The following MPO variants were observed in gnomAD, a reference collection of about 807,000 sequenced individuals.
MPO encodes myeloperoxidase.
In MPO, 57 loss-of-function variants were observed where a neutral mutation model predicts 69.4. The observed-to-expected ratio is 0.82, with a 90% CI of 0.66 to 1.02. The LOEUF (loss-of-function observed/expected upper bound fraction) is 1.02. MPO is among the 50% of genes least tolerant of loss of function. MPO has a pLI of 0.00. For missense variants in MPO, 971 were observed against 1,014.1 expected (o/e 0.96, Z 0.58); for synonymous variants, 426 against 417.1 (o/e 1.02, Z -0.26).
Position 58,271,712 on chromosome 17 carries a change from C to T in MPO, c.1973G>A (p.Gly658Asp), listed in dbSNP as rs766368829. The T allele has an allele frequency of 2.0e-5, 33 of 1,613,820 alleles. No homozygotes were observed. Among genetic ancestry groups the T allele is most frequent in the Non-Finnish European group, 2.7e-5 (32 of 1,180,046 alleles). The change falls in exon 11 of 12, where the codon GGC becomes GAC. Residue 658 changes from glycine to aspartate, a missense_variant. Gly to Asp is a moderately conservative substitution (Grantham distance 94, BLOSUM62 -1). Transcript: ENST00000225275. ...SEPLKRKGRV[G>D]PLLACIIGTQ... ...ACCGATGATGCAGGCGAGGAGTGGG[C>T]CCACGCGGCCTTTGCGCTTCAGAGG...
intron 7 of MPO, among the ~76,000 whole-genome samples, chr17:58,277,455 G>A (rs970173471): frequency 1.2e-4 from 19 of 152,192 alleles, no homozygotes; most frequent in African/African-American, 4.1e-4. Flanking sequence ...GGATAGTGTC[G>A]CTCTAGAGGG....
chr17:58,280,919 G>C lies in MPO; in HGVS notation c.-161C>G. On this transcript the variant is annotated 5_prime_UTR_variant, in exon 1 of 12. Coordinates refer to ENST00000225275, the MANE Select transcript of MPO (RefSeq NM_000250.2). ...AGCTTCCAAGGACCCCACCTCCACA[G>C]CTCACCTGATATTGTCAGCTCCTCT... 1.3e-6 allele frequency: 1 copy of C among 752,988 alleles called. No homozygotes were observed. The highest frequency in any genetic ancestry group is 1.8e-5 in the South Asian group (1 of 54,580). The allele number at this position is 752,988 out of a possible 1,614,324, so 46.6% of individuals were successfully genotyped here.
At chr17:58,278,378 C>T (rs982437620) in intron 6 of MPO, among the ~76,000 whole-genome samples, 5 of 152,296 alleles carry the variant, frequency 3.3e-5, no homozygotes, top group African/African-American at 9.6e-5. Flanking sequence ...CTGGGCACCG[C>T]CAGGCCTCGG....
chr17:58,279,072 G>C lies in MPO; in HGVS notation c.821C>G (p.Ser274Cys), dbSNP rs138500682. 1 of 1,613,216 alleles carries C rather than the reference G, an allele frequency of 6.2e-7. No individual in the cohort carries two copies. Among genetic ancestry groups the C allele is most frequent in the East Asian group, 2.2e-5 (1 of 44,868 alleles). ...DFTPEPAARA[S>C]FVTGVNCETS... is the part of the protein sequence containing the mutation. The stretch of plus-strand genomic sequence containing the variant: ...CTCGCAGTTGACGCCAGTGACGAAG[G>C]AGGCCCGGGCGGCCGGCTCAGGGGT... The change falls in exon 6 of 12, where the codon TCC (serine) becomes TGC (cysteine). Residue 274 changes from serine to cysteine, a missense_variant. Coordinates refer to ENST00000225275, the MANE Select transcript of MPO (RefSeq NM_000250.2).
chr17:58,270,365 C>T lies in MPO; in HGVS notation c.*291G>A, dbSNP rs572678084. The T allele has an allele frequency of 3.9e-5, 17 of 435,242 alleles. No individual in the cohort carries two copies. The highest frequency in any genetic ancestry group is 2.1e-4 in the South Asian group (10 of 48,492). 27.0% of individuals were successfully genotyped at this position (435,242 alleles called of 1,614,324 possible). ...TCCTGAGCTGTGCTCCTCACCAGTCCGCTCTGCTGCCTTCCACATACTCAG... is the reference window on the plus strand; with the variant it reads ...TCCTGAGCTGTGCTCCTCACCAGTCTGCTCTGCTGCCTTCCACATACTCAG... On this transcript the variant is annotated 3_prime_UTR_variant, in exon 12 of 12. Transcript: ENST00000225275. The surrounding 1 kb of genome is among the most constrained non-coding windows in gnomAD (Gnocchi z 4.1).
In MPO at chr17:58,277,898, G is replaced by A; in HGVS notation, c.1133C>T (p.Pro378Leu). The A allele has an allele frequency of 6.2e-7, 1 of 1,611,204 alleles. No individual in the cohort carries two copies. Among genetic ancestry groups the A allele is most frequent in the Non-Finnish European group, 8.5e-7 (1 of 1,180,030 alleles). Residue 378 changes from proline to leucine, a missense_variant, in exon 7 of 12, where the codon CCC becomes CTC. Physicochemically the swap from Pro to Leu is moderately conservative, Grantham distance 98. Coordinates refer to ENST00000225275, the MANE Select transcript of MPO (RefSeq NM_000250.2). Reference sequence around the variant, plus strand: ...GGGGTCATCGTGCAGGTTGTCAAAGGGCAGCAGGGCCCGGCCGTTGTCTTG... The same window carrying A: ...GGGGTCATCGTGCAGGTTGTCAAAGAGCAGCAGGGCCCGGCCGTTGTCTTG... The part of the protein sequence containing the change: ...RFQDNGRALL[P>L]FDNLHDDPCL...
chr17:58,273,778 C>A, intron 8 of MPO, 109 bp from the exon 9 acceptor site: 5 of 1,482,788 alleles, frequency 3.4e-6, no homozygotes, highest in Non-Finnish European at 4.7e-6. Context: ...TTCGGGGACC[C>A]CTTCCATCCC....
chr17:58,278,613 G>C (rs1326740782), intron 6 of MPO, among the ~76,000 whole-genome samples: 2 of 152,132 alleles, frequency 1.3e-5, no homozygotes. Context: ...TGTGTGATGG[G>C]GGTTGGGGCT....
rs1970429253 is a variant in MPO, at chr17:58,275,787, G to A, written c.1205-85C>T. ...CACTGAAACCCCCTCCCCAGCCAAG[G>A]CCTGAAATGCCTCCTACTCACCCCT... On this transcript the variant is annotated intron_variant, in intron 7 of 11. Coordinates refer to ENST00000225275, the MANE Select transcript of MPO (RefSeq NM_000250.2). This position sits in a 1 kb window ranked among gnomAD's most constrained non-coding sequence, Gnocchi z 4.1. The A allele has an allele frequency of 1.3e-6, 2 of 1,495,824 alleles. No individual in the cohort carries two copies. Among genetic ancestry groups the A allele is most frequent in the African/African-American group, 1.4e-5 (1 of 72,240 alleles). The allele number at this position is 1,495,824 out of a possible 1,614,324, so 92.7% of individuals were successfully genotyped here. A position where few individuals can be genotyped will look rare whatever the true frequency, so the allele number is the denominator to read the frequency against.
chr17:58,273,755 G>T, intron 8 of MPO, 86 bp from the exon 9 acceptor site: 1 of 1,599,202 alleles, frequency 6.3e-7, no homozygotes, highest in Non-Finnish European at 8.6e-7. Context: ...CAGAGTCTCT[G>T]CCTGCTCTTG....
In MPO at chr17:58,279,096, G is replaced by A. The variant is rs139940814; in HGVS notation, c.797C>T (p.Thr266Ile). The change falls in exon 6 of 12, where the codon ACC becomes ATC. Residue 266 changes from threonine (T) to isoleucine (I), a missense_variant. Thr to Ile is a moderately conservative substitution (Grantham distance 89, BLOSUM62 -1). Transcript: ENST00000225275. ...GGAGGCCCGGGCGGCCGGCTCAGGGGTGAAGTCGAGGTCGTGGTCCAACAG... is the reference window on the plus strand; with the variant it reads ...GGAGGCCCGGGCGGCCGGCTCAGGGATGAAGTCGAGGTCGTGGTCCAACAG... ...GQLLDHDLDF[T>I]PEPAARASFV... 11 of 1,613,060 alleles carry A rather than the reference G, an allele frequency of 6.8e-6. No homozygotes were observed. In the African/African-American group the frequency reaches 1.2e-4, roughly 18 times the overall value.
In MPO at chr17:58,278,141, G is replaced by A; in HGVS notation, c.890C>T (p.Pro297Leu). Residue 297 changes from proline to leucine, a missense_variant, in exon 7 of 12, where the codon CCG becomes CTG. Coordinates refer to ENST00000225275, the MANE Select transcript of MPO (RefSeq NM_000250.2). The stretch of plus-strand genomic sequence containing the variant: ...GTTCTTGATGCGGGGGTCATTGGGC[G>A]GGATCTGAGGCACAGAGAGAGGCTA... ...QQPPCFPLKIPPNDPRIKNQA... is the reference protein window; with the variant it reads ...QQPPCFPLKILPNDPRIKNQA... 4 of 1,600,834 alleles carry A rather than the reference G, an allele frequency of 2.5e-6. No individual in the cohort carries two copies. The highest frequency in any genetic ancestry group is 3.4e-6 in the Non-Finnish European group (4 of 1,179,908).
chr17:58,272,363 T>C (rs1598039420), intron 10 of MPO, among the ~76,000 whole-genome samples: 1 of 152,182 alleles, frequency 6.6e-6, no homozygotes, highest in South Asian at 2.1e-4. Flanking sequence ...CTAGAGAACC[T>C]GGCCAGGTTC....
rs753496983 is a variant in MPO at position 58,275,633 on chromosome 17, C to T, written c.1274G>A (p.Arg425Gln). The change falls in exon 8 of 12, where the codon CGG becomes CAG. Residue 425 changes from arginine to glutamine, a missense_variant. Physicochemically the swap from Arg to Gln is conservative, Grantham distance 43. Transcript: ENST00000225275. The surrounding 1 kb of genome is among the most constrained non-coding windows in gnomAD (Gnocchi z 4.1). ...MHTLLLREHN[R>Q]LATELKSLNP... Reference sequence around the variant, plus strand: ...CAGGCTCTTGAGCTCTGTGGCCAGCCGGTTGTGCTCCCGAAGTAAGAGGGT... The same window carrying T: ...CAGGCTCTTGAGCTCTGTGGCCAGCTGGTTGTGCTCCCGAAGTAAGAGGGT... 7.4e-6 allele frequency: 12 copies of T among 1,614,050 alleles called. No homozygotes were observed. The highest frequency in any genetic ancestry group is 2.2e-5 in the East Asian group (1 of 44,900).
chr17:58,272,939 G>T, intron 9 of MPO, 21 bp from the exon 10 acceptor site: 1 of 1,613,622 alleles, frequency 6.2e-7, no homozygotes, highest in Non-Finnish European at 8.5e-7. Flanking sequence ...GAGGAGCCAG[G>T]TCAGGGGAAG....
At chr17:58,274,825 A>C (rs1970415539) in intron 8 of MPO, among the ~76,000 whole-genome samples, 1 of 151,896 alleles carries the variant, frequency 6.6e-6, no homozygotes, top group Non-Finnish European at 1.5e-5. Flanking sequence ...GTATCAAAAA[A>C]TAAAAATAAA....
intron 6 of MPO, among the ~76,000 whole-genome samples, chr17:58,278,638 G>T (rs1970470203): frequency 6.6e-6 from 1 of 152,130 alleles, no homozygotes; most frequent in Non-Finnish European, 1.5e-5. Context: ...TCTCAGTGGG[G>T]CGGAAACAGG....
At chr17:58,277,162 A>G (rs977220269) in intron 7 of MPO, among the ~76,000 whole-genome samples, 3 of 151,976 alleles carry the variant, frequency 2.0e-5, no homozygotes, top group Admixed American at 6.6e-5. Context: ...CACTGCCCCA[A>G]TTGTGTCTCC....
At position 58,275,397 on chromosome 17, in the gene MPO, T is replaced by C; in HGVS notation, c.1365+145A>G. ...CAAGCACTTACTATCTGAAAGGTGT[T>C]TTCATATATGTATTATAATCCTTAC... On this transcript the variant is annotated intron_variant, in intron 8 of 11. Transcript: ENST00000225275. This position sits in a 1 kb window ranked among gnomAD's most constrained non-coding sequence, Gnocchi z 4.1. The C allele has an allele frequency of 1.9e-6, 2 of 1,039,548 alleles. No homozygotes were observed. Among genetic ancestry groups the C allele is most frequent in the Non-Finnish European group, 2.9e-6 (2 of 695,328 alleles). 64.4% of individuals were successfully genotyped at this position (1,039,548 alleles called of 1,614,324 possible).
Sources: allele counts gnomAD v4.1 joint callset (sites outside exome capture counted in the v4.1 genomes callset), GRCh38; gene constraint gnomAD v4.1.1; non-coding constraint Gnocchi (gnomAD v3.1); transcripts MANE v1.5; gene names NCBI Gene and HGNC (gene_info 2026-07-23, HGNC 2026-07-21).